KCTD1: variants seen among roughly 807,000 people sequenced by gnomAD.
The protein encoded by KCTD1 is potassium channel tetramerization domain containing 1.
A neutral mutation model predicts 66.0 loss-of-function variants in KCTD1; 24 were observed. The observed-to-expected ratio is 0.36, with a 90% CI of 0.26 to 0.51. The LOEUF (loss-of-function observed/expected upper bound fraction) is 0.51, where lower values mean the gene tolerates loss of function less well. Among genes scored for constraint, KCTD1 ranks in the 20% least tolerant of loss-of-function variants. KCTD1 has a pLI of 0.95. For missense variants in KCTD1, 943 were observed against 1,205.2 expected, an observed-to-expected ratio of 0.78 and a Z score of 3.22; for synonymous variants, 511 against 517.2, an observed-to-expected ratio of 0.99 and a Z score of 0.16.
chr18:26,643,776 C>T (rs993717500), upstream of KCTD1, among the ~76,000 whole-genome samples: 2 of 152,130 alleles, frequency 1.3e-5, no homozygotes, highest in African/African-American at 4.8e-5. Context: ...TCCTGGCTAA[C>T]ACGATGAAAC....
At chr18:26,512,834 A>G (rs1983407190) in intron 1 of KCTD1, among the ~76,000 whole-genome samples, 2 of 152,058 alleles carry the variant, frequency 1.3e-5, no homozygotes, top group African/African-American at 2.4e-5. Context: ...TGCAAAAATT[A>G]GCCGGGTGTG....
At chr18:26,598,093 C>T (rs1986809635) in intron 1 of KCTD1, among the ~76,000 whole-genome samples, 2 of 152,264 alleles carry the variant, frequency 1.3e-5, no homozygotes, top group South Asian at 4.2e-4. Flanking sequence ...CTAGCAACCA[C>T]TAATCAATCA....
intron 2 of KCTD1, among the ~76,000 whole-genome samples, chr18:26,495,517 TG>T (rs1406179867): frequency 6.6e-6 from 1 of 152,176 alleles, no homozygotes; most frequent in African/African-American, 2.4e-5. Flanking sequence ...TGGGTGGCCA[TG>T]GGTGTTGACT....
Position 26,548,345 on chromosome 18 carries a change from G to GTCCTCCTCCTCCTCT in KCTD1, c.177_191dup (p.Glu59_Glu63dup), listed in dbSNP as rs1555641635. The GTCCTCCTCCTCCTCT allele has an allele frequency of 6.1e-6, 9 of 1,482,408 alleles. 1 individual carries two copies. The African/African-American group carries it at 1.1e-4, about 19-fold the overall frequency. 91.8% of individuals were successfully genotyped at this position (1,482,408 alleles called of 1,614,324 possible). On this transcript the variant is annotated inframe_insertion, in exon 1 of 5. Coordinates refer to ENST00000580059, the MANE Select transcript of KCTD1 (RefSeq NM_001142730.3). ...CCGTTATCTGCACCTCCTGGATCTCGTCCTCCTCCTCCTCTTCCTCCTCCT... is the reference window on the plus strand; with the variant it reads ...CCGTTATCTGCACCTCCTGGATCTCGTCCTCCTCCTCCTCTTCCTCCTCCTCCTCTTCCTCCTCCT...
At chr18:26,570,835 AC>A (rs1159211552) in intron 1 of KCTD1, among the ~76,000 whole-genome samples, 2 of 152,226 alleles carry the variant, frequency 1.3e-5, no homozygotes, top group African/African-American at 2.4e-5. Flanking sequence ...AGATGTCTAT[AC>A]CCTGAGTGTA....
At position 26,489,097 on chromosome 18, in the gene KCTD1, G is replaced by A. The variant is rs529891915; in HGVS notation, c.1988+11975C>T. On this transcript the variant is annotated intron_variant, in intron 2 of 4. Transcript: ENST00000580059. ...CTGGGTACCTTCGAAAGGCCAGCAC[G>A]GAAAGCATTCTGCACCAACGCAGCT... Among the ~76,000 whole-genome samples the A allele has an allele frequency of 5.9e-5, 9 of 152,266 alleles. No individual in the cohort carries two copies. In the South Asian group the frequency reaches 1.5e-3, roughly 25 times the overall value.
intron 1 of KCTD1, among the ~76,000 whole-genome samples, chr18:26,623,907 A>G (rs1312561233): frequency 1.3e-5 from 2 of 152,228 alleles, no homozygotes; most frequent in African/African-American, 4.8e-5. Flanking sequence ...GGAATTTCCT[A>G]GAGACATGGT....
At chr18:26,615,619 C>T (rs1166537354) in intron 1 of KCTD1, among the ~76,000 whole-genome samples, 1 of 152,086 alleles carries the variant, frequency 6.6e-6, no homozygotes, top group Non-Finnish European at 1.5e-5. Flanking sequence ...CAGTACTGGT[C>T]CCCTGAGAAA....
At chr18:26,598,885 G>A (rs968795580) in intron 1 of KCTD1, among the ~76,000 whole-genome samples, 6 of 150,094 alleles carry the variant, frequency 4.0e-5, no homozygotes, top group Non-Finnish European at 9.0e-5. Flanking sequence ...TTATATATTC[G>A]CAATGCAAAT....
intron 1 of KCTD1, among the ~76,000 whole-genome samples, chr18:26,576,314 T>G (rs1986224793): frequency 1.3e-5 from 2 of 152,218 alleles, no homozygotes; most frequent in Admixed American, 1.3e-4. Context: ...CAGTATATAT[T>G]TGTTAAATGG....
intron 1 of KCTD1, among the ~76,000 whole-genome samples, chr18:26,537,072 G>A (rs762256710): frequency 6.6e-5 from 10 of 152,160 alleles, no homozygotes; most frequent in Non-Finnish European, 5.9e-5. Context: ...ACTCTGGGGT[G>A]AGCGGAAAAG....
At chr18:26,467,228 A>G (rs1567956805) in intron 3 of KCTD1, among the ~76,000 whole-genome samples, 3 of 152,118 alleles carry the variant, frequency 2.0e-5, no homozygotes. Flanking sequence ...AAAATAAACA[A>G]TAGAGGTTGG....
upstream of KCTD1, chr18:26,549,206 G>T: frequency 1.0e-6 from 1 of 986,050 alleles, no homozygotes; most frequent in South Asian, 4.6e-5. Flanking sequence ...GCTTGGGAGC[G>T]GGATGGGGCT....
chr18:26,535,819 G>A (rs1250132996), intron 1 of KCTD1, among the ~76,000 whole-genome samples: 1 of 152,094 alleles, frequency 6.6e-6, no homozygotes, highest in Non-Finnish European at 1.5e-5. Flanking sequence ...AGGTGAATGT[G>A]AGGGTCAGTT....
At chr18:26,592,943 T>C (rs1005960670) in intron 1 of KCTD1, among the ~76,000 whole-genome samples, 2 of 152,246 alleles carry the variant, frequency 1.3e-5, no homozygotes, top group Non-Finnish European at 2.9e-5. Flanking sequence ...TAAGGTGGGC[T>C]GCATATGACT....
At chr18:26,557,046 C>T (rs1320685170) in intron 1 of KCTD1, among the ~76,000 whole-genome samples, 1 of 152,158 alleles carries the variant, frequency 6.6e-6, no homozygotes, top group African/African-American at 2.4e-5. Flanking sequence ...CCAGGAACTC[C>T]CTGACTCCAG....
intron 1 of KCTD1, among the ~76,000 whole-genome samples, chr18:26,634,418 T>G (rs1453361509): frequency 1.3e-5 from 2 of 152,126 alleles, no homozygotes; most frequent in Non-Finnish European, 1.5e-5. Flanking sequence ...TATATATGCA[T>G]GTGTGTGTTG....
intron 2 of KCTD1, among the ~76,000 whole-genome samples, chr18:26,479,914 A>G (rs1981546044): frequency 6.6e-6 from 1 of 152,200 alleles, no homozygotes; most frequent in Non-Finnish European, 1.5e-5. Flanking sequence ...AACTGCAGTG[A>G]TTTGTAAACT....
intron 2 of KCTD1, among the ~76,000 whole-genome samples, chr18:26,492,145 G>A (rs112725048): frequency 1.5e-3 from 223 of 152,310 alleles, no homozygotes; most frequent in African/African-American, 5.2e-3. Context: ...GAGAGGCTAA[G>A]ATGGGAGGAT....
Sources: gnomAD v4.1 joint callset for allele counts (sites outside exome capture counted in the v4.1 genomes callset) on GRCh38, gnomAD v4.1.1 for gene constraint, MANE v1.5 for transcripts, NCBI Gene and HGNC (gene_info 2026-07-23, HGNC 2026-07-21) for gene names.